NALF1: variants seen among roughly 807,000 people sequenced by gnomAD.
NALF1 encodes NALCN channel auxiliary factor 1.
A neutral mutation model predicts 48.4 loss-of-function variants in NALF1; 3 were observed. The ratio of observed to expected loss-of-function variants is 0.06; its 90% CI spans 0.03 to 0.16. The LOEUF (loss-of-function observed/expected upper bound fraction) is 0.16. Among genes scored for constraint, NALF1 ranks in the 10% least tolerant of loss-of-function variants. The pLI, the probability that NALF1 is intolerant of heterozygous loss-of-function variation, is 1.00. For missense variants in NALF1, 526 were observed against 571.5 expected (o/e 0.92, Z 0.81); for synonymous variants, 262 against 245.7 (o/e 1.07, Z -0.62).
rs529785967 is a variant in NALF1 at position 107,673,738 on chromosome 13, G to A, written c.915+191944C>T. On this transcript the variant is annotated intron_variant, in intron 1 of 2. Coordinates refer to ENST00000375915, the MANE Select transcript of NALF1 (RefSeq NM_001080396.3). ...AGATGATGGAGATGTTAATTGCTCT[G>A]ATGTGATCACTATACATTGCATGTA... Among the ~76,000 whole-genome samples the A allele has an allele frequency of 3.9e-5, 6 of 152,214 alleles. No individual in the cohort carries two copies. The South Asian group carries it at 1.2e-3, about 32-fold the overall frequency.
At chr13:107,403,188 CTTTTTTTTTTT>C (rs10710356) in intron 1 of NALF1, among the ~76,000 whole-genome samples, 677 of 42,528 alleles carry the variant, frequency 0.016, 9 homozygotes, top group East Asian at 0.14. Flanking sequence ...CTTGTTCGGG[CTTTTTTTTTTT>C]TTTTTTTTTT....
At chr13:107,638,855 A>G (rs1880065700) in intron 1 of NALF1, among the ~76,000 whole-genome samples, 2 of 152,078 alleles carry the variant, frequency 1.3e-5, no homozygotes, top group African/African-American at 4.8e-5. Flanking sequence ...GAGGCTGGAG[A>G]ACAGTGGGCT....
chr13:107,173,006 A>C (rs2138764942), intron 2 of NALF1, among the ~76,000 whole-genome samples: 1 of 152,246 alleles, frequency 6.6e-6, no homozygotes, highest in Non-Finnish European at 1.5e-5. Context: ...TTTTTACTCA[A>C]ATTTATGAAT....
intron 1 of NALF1, among the ~76,000 whole-genome samples, chr13:107,403,129 G>C (rs1171021048): frequency 1.5e-5 from 2 of 137,642 alleles, no homozygotes; most frequent in African/African-American, 5.3e-5. Context: ...CAAAGGACTA[G>C]TGTCCACACT....
chr13:107,471,179 G>A lies in NALF1; in HGVS notation c.916-260424C>T, dbSNP rs74910373. Among the ~76,000 whole-genome samples the A allele has an allele frequency of 9.4e-3, 1,430 of 152,238 alleles. 23 individuals carry two copies. Among genetic ancestry groups the A allele is most frequent in the African/African-American group, 0.033 (1,363 of 41,518 alleles). On this transcript the variant is annotated intron_variant, in intron 1 of 2. Coordinates refer to ENST00000375915, the MANE Select transcript of NALF1 (RefSeq NM_001080396.3). ...CTTATGGCATGTGTGTGCGCATAACGCTATTTATTGCCGTAACCAAATTAC... is the reference window on the plus strand; with the variant it reads ...CTTATGGCATGTGTGTGCGCATAACACTATTTATTGCCGTAACCAAATTAC...
intron 1 of NALF1, among the ~76,000 whole-genome samples, chr13:107,415,172 A>AT (rs1884064103): frequency 6.6e-6 from 1 of 152,236 alleles, no homozygotes; most frequent in Admixed American, 6.5e-5. Context: ...TTTTAAATAC[A>AT]TATCGATGAA....
chr13:107,373,430 T>G (rs766077650), intron 1 of NALF1, among the ~76,000 whole-genome samples: 4 of 152,074 alleles, frequency 2.6e-5, no homozygotes, highest in Non-Finnish European at 5.9e-5. Flanking sequence ...TTCCAGTGTT[T>G]TAGTGTCTCA....
intron 1 of NALF1, among the ~76,000 whole-genome samples, chr13:107,620,991 T>C (rs539711125): frequency 4.7e-5 from 7 of 149,544 alleles, no homozygotes; most frequent in African/African-American, 1.7e-4. Context: ...AGTGTGTGCG[T>C]GTGTGTGTGT....
chr13:107,487,196 G>T (rs1453392110), intron 1 of NALF1, among the ~76,000 whole-genome samples: 1 of 152,026 alleles, frequency 6.6e-6, no homozygotes, highest in Non-Finnish European at 1.5e-5. Context: ...TTATTTTTAA[G>T]AACATGGACA....
intron 1 of NALF1, among the ~76,000 whole-genome samples, chr13:107,765,669 A>G (rs969105644): frequency 7.2e-5 from 11 of 152,068 alleles, no homozygotes; most frequent in Non-Finnish European, 1.6e-4. Context: ...CTGCCCACCC[A>G]TCCTTTTTAT....
chr13:107,756,599 C>T (rs541965823), intron 1 of NALF1, among the ~76,000 whole-genome samples: 1 of 152,080 alleles, frequency 6.6e-6, no homozygotes, highest in Non-Finnish European at 1.5e-5. Context: ...AATTTTTATC[C>T]TTTATTAAAC....
At chr13:107,611,531 A>G (rs1879224014) in intron 1 of NALF1, among the ~76,000 whole-genome samples, 1 of 152,156 alleles carries the variant, frequency 6.6e-6, no homozygotes, top group African/African-American at 2.4e-5. Flanking sequence ...GTCATATACT[A>G]CAAAAAAGAT....
intron 1 of NALF1, among the ~76,000 whole-genome samples, chr13:107,793,359 T>C (rs964102153): frequency 6.6e-6 from 1 of 152,226 alleles, no homozygotes; most frequent in African/African-American, 2.4e-5. Flanking sequence ...ACACTAGAAC[T>C]GGTTATGATG....
intron 1 of NALF1, among the ~76,000 whole-genome samples, chr13:107,837,183 G>A (rs1317464325): frequency 6.6e-6 from 1 of 152,106 alleles, no homozygotes; most frequent in East Asian, 1.9e-4. Context: ...TAAACAGGAA[G>A]AGCAAACTGA....
At chr13:107,334,868 G>A (rs138405654) in intron 1 of NALF1, among the ~76,000 whole-genome samples, 179 of 152,264 alleles carry the variant, frequency 1.2e-3, no homozygotes, top group African/African-American at 4.1e-3. Flanking sequence ...ATGGTGCTTT[G>A]TCTTGCTGGG....
intron 1 of NALF1, among the ~76,000 whole-genome samples, chr13:107,544,450 T>G (rs1014854598): frequency 6.6e-6 from 1 of 152,186 alleles, no homozygotes; most frequent in African/African-American, 2.4e-5. Flanking sequence ...TTTGCCCAAC[T>G]CTTTCACTAG....
intron 1 of NALF1, among the ~76,000 whole-genome samples, chr13:107,613,491 T>A (rs1879295860): frequency 6.6e-6 from 1 of 152,182 alleles, no homozygotes; most frequent in Non-Finnish European, 1.5e-5. Flanking sequence ...TAACAACCAA[T>A]TTACTATCAA....
chr13:107,862,840 G>A (rs1880611637), intron 1 of NALF1, among the ~76,000 whole-genome samples: 1 of 151,696 alleles, frequency 6.6e-6, no homozygotes. Flanking sequence ...AGTTTTGAAT[G>A]AGGGCAGAAT....
intron 2 of NALF1, among the ~76,000 whole-genome samples, chr13:107,194,009 TATC>T (rs1389080012): frequency 1.8e-4 from 2 of 10,830 alleles, no homozygotes; most frequent in East Asian, 4.5e-3. Flanking sequence ...CTATCTATCT[TATC>T]TATCTATCTA....
Sources: gnomAD v4.1 joint callset for allele counts (sites outside exome capture counted in the v4.1 genomes callset) on GRCh38, gnomAD v4.1.1 for gene constraint, MANE v1.5 for transcripts, NCBI Gene and HGNC (gene_info 2026-07-23, HGNC 2026-07-21) for gene names.